KIAA1614: variants seen among roughly 807,000 people sequenced by gnomAD.
KIAA1614 encodes uncharacterized protein KIAA1614.
In KIAA1614, 76 loss-of-function variants were observed where a neutral mutation model predicts 88.7. That is an observed-to-expected ratio of 0.86 (90% CI 0.71 to 1.04). The LOEUF is 1.04. Among genes scored for constraint, KIAA1614 ranks in the 50% least tolerant of loss-of-function variants. KIAA1614 has a pLI of 0.00. For missense variants in KIAA1614, 1,553 were observed against 1,582.5 expected, an observed-to-expected ratio of 0.98 and a Z score of 0.32; for synonymous variants, 714 against 675.5, an observed-to-expected ratio of 1.06 and a Z score of -0.88.
chr1:180,913,536 C>T (rs1266943569), intron 1 of KIAA1614, among the ~76,000 whole-genome samples: 1 of 152,204 alleles, frequency 6.6e-6, no homozygotes, highest in African/African-American at 2.4e-5. Flanking sequence ...ACCGATCTTC[C>T]CGAAAGCCCG....
intron 1 of KIAA1614, among the ~76,000 whole-genome samples, chr1:180,914,477 C>G (rs928521544): frequency 2.0e-5 from 3 of 152,228 alleles, no homozygotes; most frequent in African/African-American, 7.2e-5. Context: ...CTCCTCTTAG[C>G]ACCTGTGTAT....
chr1:180,916,211 G>A lies in KIAA1614; in HGVS notation c.108G>A (p.Glu36=). ...CCGTGGAGGGGACCTCAGCTGTGGA[G>A]TGGAGTGGTCCTGAGCCACAGCTGG... ...ASPVEGTSAV[E]WSGPEPQLDN... Residue 36 remains glutamate, a synonymous_variant, in exon 2 of 9, where the codon GAG becomes GAA. Transcript: ENST00000367588. 2 of 1,610,708 alleles carry A rather than the reference G, an allele frequency of 1.2e-6. No individual in the cohort carries two copies. The highest frequency in any genetic ancestry group is 1.3e-5 in the African/African-American group (1 of 74,944).
intron 7 of KIAA1614, among the ~76,000 whole-genome samples, chr1:180,941,988 A>C (rs1215842771): frequency 6.6e-6 from 1 of 151,768 alleles, no homozygotes; most frequent in Non-Finnish European, 1.5e-5. Context: ...TCATCCATCT[A>C]CTGCAGGCAC....
At chr1:180,915,671 G>A (rs549624964) in intron 1 of KIAA1614, among the ~76,000 whole-genome samples, 1 of 152,140 alleles carries the variant, frequency 6.6e-6, no homozygotes, top group Non-Finnish European at 1.5e-5. Context: ...CCGGGGCCAC[G>A]AACCAATAGC....
intron 1 of KIAA1614, among the ~76,000 whole-genome samples, chr1:180,915,045 C>T (rs559693279): frequency 2.6e-5 from 4 of 152,312 alleles, no homozygotes. Flanking sequence ...CTCAAGTGAT[C>T]CACCCGCCTC....
intron 3 of KIAA1614, among the ~76,000 whole-genome samples, chr1:180,922,095 G>A (rs900351905): frequency 2.0e-5 from 3 of 152,210 alleles, no homozygotes; most frequent in Non-Finnish European, 4.4e-5. Context: ...CGGCCTCCTC[G>A]GCCGTCTCCA....
At position 180,923,015 on chromosome 1, in the gene KIAA1614, T is replaced by A. The variant is rs575190160; in HGVS notation, c.1061+5101T>A. On this transcript the variant is annotated intron_variant, in intron 3 of 8. Transcript: ENST00000367588. ...ACAGAACGCAAGGAAACACTTTACTTGCATTTACCCATTTCTTATGAAGAA... is the reference window on the plus strand; with the variant it reads ...ACAGAACGCAAGGAAACACTTTACTAGCATTTACCCATTTCTTATGAAGAA... 9.2e-5 allele frequency among the ~76,000 whole-genome samples: 14 copies of A among 152,322 alleles called. No homozygotes were observed. In the East Asian group the frequency reaches 2.7e-3, roughly 29 times the overall value.
Position 180,916,766 on chromosome 1 carries a change from T to C in KIAA1614, c.663T>C (p.Pro221=). 1 of 1,614,214 alleles carries C rather than the reference T, an allele frequency of 6.2e-7. No homozygotes were observed. Among genetic ancestry groups the C allele is most frequent in the Non-Finnish European group, 8.5e-7 (1 of 1,180,026 alleles). The change falls in exon 2 of 9, where the codon CCT becomes CCC. Residue 221 remains proline, a synonymous_variant. Transcript: ENST00000367588. ...TCCATGGAGTTACTCCCGGACGGCC[T>C]GGGGGTCCTGGTCATTGTAACAAAA... is the stretch of plus-strand genomic sequence containing the variant. The part of the protein sequence containing the change: ...SPIHGVTPGR[P]GGPGHCNKII...
At chr1:180,929,214 G>A (rs571411535) in intron 4 of KIAA1614, among the ~76,000 whole-genome samples, 25 of 152,340 alleles carry the variant, frequency 1.6e-4, no homozygotes, top group Non-Finnish European at 2.6e-4. Flanking sequence ...GAGCTAATAC[G>A]TGTCAAGTTT....
At chr1:180,937,839 C>G (rs1333574027) in intron 5 of KIAA1614, among the ~76,000 whole-genome samples, 2 of 152,186 alleles carry the variant, frequency 1.3e-5, no homozygotes, top group African/African-American at 4.8e-5. Context: ...CTGGTGGGCT[C>G]TAGGCAGGCT....
chr1:180,926,798 C>T (rs551862838), intron 3 of KIAA1614, among the ~76,000 whole-genome samples: 12 of 152,356 alleles, frequency 7.9e-5, no homozygotes, highest in Non-Finnish European at 1.3e-4. Context: ...TGCTCTCAGC[C>T]GCCTTGGAGG....
rs372513103 is a variant in KIAA1614, at chr1:180,916,488, C to G, written c.385C>G (p.Pro129Ala). The G allele has an allele frequency of 5.0e-6, 8 of 1,614,012 alleles. No homozygotes were observed. The highest frequency in any genetic ancestry group is 4.2e-6 in the Non-Finnish European group (5 of 1,180,036). ...RRGKAGRAGT[P>A]SEGSFLPGAV... ...AGGCAAGGCAGGGAGAGCCGGGACT[C>G]CATCAGAGGGGTCTTTCCTGCCAGG... The change falls in exon 2 of 9, where the codon CCA becomes GCA. Residue 129 changes from proline to alanine, a missense_variant. Transcript: ENST00000367588.
At chr1:180,930,580 A>G (rs1654175648) in intron 4 of KIAA1614, among the ~76,000 whole-genome samples, 2 of 152,362 alleles carry the variant, frequency 1.3e-5, no homozygotes, top group East Asian at 1.9e-4. Context: ...AGTCAAGACT[A>G]TCTGCAAAAC....
intron 6 of KIAA1614, among the ~76,000 whole-genome samples, chr1:180,939,426 G>A (rs943682819): frequency 3.3e-5 from 5 of 152,004 alleles, no homozygotes; most frequent in East Asian, 1.9e-4. Flanking sequence ...TCCCCTTCCC[G>A]GCAAACACAT....
intron 3 of KIAA1614, among the ~76,000 whole-genome samples, chr1:180,918,173 C>A (rs1030746951): frequency 6.6e-6 from 1 of 152,168 alleles, no homozygotes; most frequent in African/African-American, 2.4e-5. Context: ...CTACCTGCTC[C>A]ATGTCCATGG....
chr1:180,926,565 C>A (rs564081318), intron 3 of KIAA1614, among the ~76,000 whole-genome samples: 3 of 152,160 alleles, frequency 2.0e-5, no homozygotes, highest in Admixed American at 2.0e-4. Context: ...AACCTGGGGG[C>A]AAGGCTGATC....
chr1:180,945,412 C>T lies in KIAA1614; in HGVS notation c.3397C>T (p.Gln1133Ter), dbSNP rs745638957. ...GGAGGTGTTCCCAGACGGCACCAGC[C>T]AGCTGCAGCTGCAGCGCTCCCCAGG... is the stretch of plus-strand genomic sequence containing the variant. ...LVEVFPDGTS[Q>*]LQLQRSPGGT... The change falls in exon 9 of 9, where the codon CAG becomes TAG. Residue 1133 changes from glutamine (Q) to a stop codon, truncating the protein, a stop_gained. Transcript: ENST00000367588. LOFTEE classifies it low-confidence loss of function (END_TRUNC). The T allele has an allele frequency of 3.1e-6, 5 of 1,604,646 alleles. No individual in the cohort carries two copies. Among genetic ancestry groups the T allele is most frequent in the Non-Finnish European group, 2.5e-6 (3 of 1,177,272 alleles).
At chr1:180,943,309 G>A (rs1654511799) in intron 7 of KIAA1614, among the ~76,000 whole-genome samples, 1 of 152,068 alleles carries the variant, frequency 6.6e-6, no homozygotes, top group African/African-American at 2.4e-5. Context: ...TTACAGGCAT[G>A]AGCCACTGTG....
At position 180,946,921 on chromosome 1, in the gene KIAA1614, TA is replaced by T. The variant is rs1474611280; in HGVS notation, c.*1334del. 6.6e-6 allele frequency: 1 copy of T among 152,292 alleles called. No homozygotes were observed. Among genetic ancestry groups the T allele is most frequent in the African/African-American group, 2.4e-5 (1 of 41,470 alleles). 9.4% of individuals were successfully genotyped at this position (152,292 alleles called of 1,614,324 possible). ...ACCCAGTGAGCAGTTAGATTGTATC[TA>T]TAAAATGTGTACTCTTGTTATGTAT... is the stretch of plus-strand genomic sequence containing the variant. On this transcript the variant is annotated 3_prime_UTR_variant, in exon 9 of 9. Coordinates refer to ENST00000367588, the MANE Select transcript of KIAA1614 (RefSeq NM_020950.2).
Sources: allele counts gnomAD v4.1 joint callset (sites outside exome capture counted in the v4.1 genomes callset), GRCh38; gene constraint gnomAD v4.1.1; transcripts MANE v1.5; gene names NCBI Gene and HGNC (gene_info 2026-07-23, HGNC 2026-07-21).